POLR2E: variants seen among roughly 807,000 people sequenced by gnomAD.
POLR2E encodes the protein DNA-directed RNA polymerases I, II, and III subunit RPABC1.
Under a neutral mutation model 29.8 loss-of-function variants are expected in POLR2E, and 35 were observed. The observed-to-expected ratio is 1.17, with a 90% CI of 0.90 to 1.55. The LOEUF is 1.55. Among genes scored for constraint, POLR2E ranks in the 40% most tolerant of loss-of-function variants. The pLI, the probability that POLR2E is intolerant of heterozygous loss-of-function variation, is 0.00. For missense variants in POLR2E, 287 were observed against 288.6 expected, an observed-to-expected ratio of 0.99 and a Z score of 0.04; for synonymous variants, 174 against 112.6, an observed-to-expected ratio of 1.55 and a Z score of -3.45.
rs1221436020 is a variant in POLR2E, at chr19:1,086,972, C to T, written c.*1763G>A. 1 of 150,750 alleles carries T rather than the reference C, an allele frequency of 6.6e-6. No individual in the cohort carries two copies. The highest frequency in any genetic ancestry group is 2.5e-5 in the African/African-American group (1 of 40,688). The allele number at this position is 150,750 out of a possible 1,614,324, so 9.3% of individuals were successfully genotyped here. A position where few individuals can be genotyped will look rare whatever the true frequency, so the allele number is the denominator to read the frequency against. ...TGGCCACCAAGCACTGGAAACGTGG[C>T]CCATGCGCCTGTGGAACTGCATTTT... On this transcript the variant is annotated 3_prime_UTR_variant, in exon 8 of 8. Coordinates refer to ENST00000615234, the MANE Select transcript of POLR2E (RefSeq NM_002695.5).
chr19:1,090,535 G>A (rs549343609), intron 4 of POLR2E, among the ~76,000 whole-genome samples: 7 of 137,408 alleles, frequency 5.1e-5, no homozygotes, highest in East Asian at 2.1e-4. Flanking sequence ...GCACAATCTC[G>A]GCTCCCCGAG....
intron 2 of POLR2E, among the ~76,000 whole-genome samples, chr19:1,093,125 G>A (rs562041868): frequency 6.6e-6 from 1 of 151,294 alleles, no homozygotes; most frequent in South Asian, 2.1e-4. Flanking sequence ...GGTGGAGGCT[G>A]CAGCAAGCCG....
intron 3 of POLR2E, 139 bp downstream of exon 3, chr19:1,091,653 G>A (rs988901627): frequency 6.6e-5 from 42 of 639,730 alleles, no homozygotes; most frequent in South Asian, 4.2e-4. Context: ...GGGGCTTGCC[G>A]GACATCCCGG....
intron 6 of POLR2E, 151 bp downstream of exon 6, chr19:1,089,733 G>T (rs2043788190): frequency 2.5e-6 from 2 of 792,004 alleles, no homozygotes; most frequent in South Asian, 1.6e-5. Context: ...AGTGGCCCTG[G>T]CTTTAAGAGG....
intron 2 of POLR2E, chr19:1,093,606 G>A: frequency 2.0e-6 from 1 of 496,748 alleles, no homozygotes. Context: ...GGGGAGCCAA[G>A]GGACACTAGG....
chr19:1,090,734 G>A (rs914238638), intron 4 of POLR2E, among the ~76,000 whole-genome samples, 174 bp downstream of exon 4: 2 of 151,922 alleles, frequency 1.3e-5, no homozygotes, highest in African/African-American at 2.4e-5. Flanking sequence ...TGCATTTCTA[G>A]GAAGCTCCCG....
chr19:1,095,125 G>A (rs2043912860), intron 1 of POLR2E, 134 bp downstream of exon 1: 2 of 910,632 alleles, frequency 2.2e-6, no homozygotes, highest in Admixed American at 2.4e-5. Context: ...GGCGACCTCT[G>A]GGCCTCCCGT....
In POLR2E at chr19:1,093,953, C is replaced by G; in HGVS notation, c.183G>C (p.Leu61=). 1 of 1,612,608 alleles carries G rather than the reference C, an allele frequency of 6.2e-7. No individual in the cohort carries two copies. The highest frequency in any genetic ancestry group is 8.5e-7 in the Non-Finnish European group (1 of 1,179,458). ...GRPRRTDLTV[L]VAHNDDPTDQ... ...CGGTGGGGTCATCGTTGTGGGCCACCAGCACGGTGAGGTCCGTGCGCCGCG... is the reference window on the plus strand; with the variant it reads ...CGGTGGGGTCATCGTTGTGGGCCACGAGCACGGTGAGGTCCGTGCGCCGCG... Residue 61 remains leucine (L), a synonymous_variant, in exon 2 of 8, where the codon CTG becomes CTC. Coordinates refer to ENST00000615234, the MANE Select transcript of POLR2E (RefSeq NM_002695.5).
Position 1,087,413 on chromosome 19 carries a change from A to T in POLR2E, c.*1322T>A, listed in dbSNP as rs916553100. On this transcript the variant is annotated 3_prime_UTR_variant, in exon 8 of 8. Coordinates refer to ENST00000615234, the MANE Select transcript of POLR2E (RefSeq NM_002695.5). ...GGTGATCCGCCCACCTCGGCCTCCC[A>T]AAGTGCTGGGATTACAGGCGTGAGC... 2 of 152,192 alleles carry T rather than the reference A, an allele frequency of 1.3e-5. No individual in the cohort carries two copies. Among genetic ancestry groups the T allele is most frequent in the Admixed American group, 6.6e-5 (1 of 15,266 alleles). 9.4% of individuals were successfully genotyped at this position (152,192 alleles called of 1,614,324 possible).
intron 2 of POLR2E, 61 bp downstream of exon 2, chr19:1,093,843 C>A: frequency 6.7e-7 from 1 of 1,493,688 alleles, no homozygotes; most frequent in Non-Finnish European, 8.9e-7. Flanking sequence ...GTGCTAGCGA[C>A]CGGCTCCTCG....
At position 1,086,921 on chromosome 19, in the gene POLR2E, CTA is replaced by C. The variant is rs1019358666; in HGVS notation, c.*1812_*1813del. ...TCGATGACGGACGTATCCCCCGGCT[CTA>C]AGGTTTCGCACGTCAGCCCCACATG... On this transcript the variant is annotated 3_prime_UTR_variant, in exon 8 of 8. Transcript: ENST00000615234. The C allele has an allele frequency of 1.1e-4, 17 of 152,272 alleles. No individual in the cohort carries two copies. The highest frequency in any genetic ancestry group is 3.9e-4 in the African/African-American group (16 of 41,550). The allele number at this position is 152,272 out of a possible 1,614,324, so 9.4% of individuals were successfully genotyped here. A position where few individuals can be genotyped will look rare whatever the true frequency, so the allele number is the denominator to read the frequency against.
Position 1,095,267 on chromosome 19 carries a change from T to G in POLR2E, c.49A>C (p.Ile17Leu). ...CACCAGGCGCGGCTCACCTGCATGA[T>G]GGTCTTGCGGATTTTCCAGAGCCGG... ...TYRLWKIRKT[I>L]MQLCHDRGYL... The change falls in exon 1 of 8, where the codon ATC (isoleucine) becomes CTC (leucine). Residue 17 changes from isoleucine to leucine, a missense_variant. Transcript: ENST00000615234. 1 of 1,613,168 alleles carries G rather than the reference T, an allele frequency of 6.2e-7. No homozygotes were observed. Among genetic ancestry groups the G allele is most frequent in the East Asian group, 2.2e-5 (1 of 44,864 alleles).
At chr19:1,089,655 C>G in intron 6 of POLR2E, 104 bp from the exon 7 acceptor site, 1 of 1,008,510 alleles carries the variant, frequency 9.9e-7, no homozygotes, top group South Asian at 1.3e-5. Flanking sequence ...GGCAGGGGTC[C>G]GAGATGGCTG....
intron 6 of POLR2E, 34 bp from the exon 7 acceptor site, chr19:1,089,585 T>G: frequency 6.3e-7 from 1 of 1,583,880 alleles, no homozygotes; most frequent in Non-Finnish European, 8.7e-7. Context: ...TGCGAATGCT[T>G]GAGGGGTCTC....
intron 3 of POLR2E, chr19:1,091,585 G>T: frequency 1.7e-6 from 1 of 578,624 alleles, no homozygotes; most frequent in Non-Finnish European, 3.1e-6. Flanking sequence ...CTGAGAGCTG[G>T]GGGAGGACGG....
intron 1 of POLR2E, 32 bp downstream of exon 1, chr19:1,095,227 C>G: frequency 6.2e-7 from 1 of 1,608,428 alleles, no homozygotes; most frequent in Non-Finnish European, 8.5e-7. Flanking sequence ...CCGCCGCCCG[C>G]GCCCCCGCCC....
At chr19:1,091,359 C>T (rs537911126) in intron 3 of POLR2E, 88 of 368,110 alleles carry the variant, frequency 2.4e-4, no homozygotes, top group African/African-American at 1.4e-3. Context: ...GCTGACTGCC[C>T]GTCACAGCAC....
chr19:1,086,846 A>C lies in POLR2E; in HGVS notation c.*1889T>G, dbSNP rs2043685823. On this transcript the variant is annotated 3_prime_UTR_variant, in exon 8 of 8. Coordinates refer to ENST00000615234, the MANE Select transcript of POLR2E (RefSeq NM_002695.5). The stretch of plus-strand genomic sequence containing the variant: ...GGCTGTGCAGACGGTCAGGCATCGA[A>C]TGACCTCGTCACGTCCACCTGCAGC... The C allele has an allele frequency of 6.6e-6, 1 of 152,102 alleles. No homozygotes were observed. Among genetic ancestry groups the C allele is most frequent in the Non-Finnish European group, 1.5e-5 (1 of 67,986 alleles). The allele number at this position is 152,102 out of a possible 1,614,324, so 9.4% of individuals were successfully genotyped here.
rs1225272071 is a variant in POLR2E, at chr19:1,091,829, A to G, written c.311T>C (p.Ile104Thr). ...MQEENITRAL[I>T]VVQQGMTPSA... ...GGGTGTCATGCCCTGCTGCACCACG[A>G]TGAGAGCCCGTGTGATGTTCTCCTC... The change falls in exon 3 of 8, where the codon ATC (isoleucine) becomes ACC (threonine). Residue 104 changes from isoleucine to threonine, a missense_variant. By Grantham distance (89) the Ile-to-Thr change is moderately conservative. Transcript: ENST00000615234. 12 of 1,612,626 alleles carry G rather than the reference A, an allele frequency of 7.4e-6. No homozygotes were observed. Among genetic ancestry groups the G allele is most frequent in the Non-Finnish European group, 1.0e-5 (12 of 1,179,800 alleles).
Sources: allele counts gnomAD v4.1 joint callset (sites outside exome capture counted in the v4.1 genomes callset), GRCh38; gene constraint gnomAD v4.1.1; transcripts MANE v1.5; gene names NCBI Gene and HGNC (gene_info 2026-07-23, HGNC 2026-07-21).